Variants in PDE1C observed in about 807,000 individuals in gnomAD.
The protein encoded by PDE1C is dual specificity calcium/calmodulin-dependent 3',5'-cyclic nucleotide phosphodiesterase 1C.
In PDE1C, 62 loss-of-function variants were observed where a neutral mutation model predicts 93.1. The ratio of observed to expected loss-of-function variants is 0.67; its 90% CI spans 0.54 to 0.82. PDE1C has a LOEUF of 0.82. PDE1C is among the 40% of genes least tolerant of loss of function. The pLI is 0.00. For missense variants in PDE1C, 742 were observed against 884.6 expected, an observed-to-expected ratio of 0.84 and a Z score of 2.04; for synonymous variants, 325 against 310.1, an observed-to-expected ratio of 1.05 and a Z score of -0.50.
chr7:31,725,240 G>C, the PDE1C span, among the ~76,000 whole-genome samples: 1 of 152,138 alleles, frequency 6.6e-6, no homozygotes, highest in South Asian at 2.1e-4. Flanking sequence ...TGGCCATCGG[G>C]AGGTACTGGT....
chr7:32,027,607 T>TAA (rs551660766), intron 2 of PDE1C, among the ~76,000 whole-genome samples: 22 of 78,468 alleles, frequency 2.8e-4, no homozygotes, highest in East Asian at 1.4e-3. Flanking sequence ...TCAAAAATGG[T>TAA]AAAAAAAAAA....
At chr7:31,638,174 T>C in the PDE1C span, among the ~76,000 whole-genome samples, 1 of 152,162 alleles carries the variant, frequency 6.6e-6, no homozygotes, top group Admixed American at 6.6e-5. Flanking sequence ...GTACCCACAG[T>C]TGATATAAGG....
intron 3 of PDE1C, among the ~76,000 whole-genome samples, chr7:32,089,217 T>C (rs1484378786): frequency 6.6e-6 from 1 of 152,202 alleles, no homozygotes; most frequent in African/African-American, 2.4e-5. Flanking sequence ...ATTTTTGGTA[T>C]GTTGTATGTA....
At position 31,898,020 on chromosome 7, in the gene PDE1C, T is replaced by TTTTG. The variant is rs768171747; in HGVS notation, c.129-17161_129-17160insCAAA. On this transcript the variant is annotated intron_variant, in intron 2 of 17. Coordinates refer to ENST00000396191, the MANE Select transcript of PDE1C (RefSeq NM_001191057.4). ...TAAGTAACAGAAGGGTTTGGTTTCT[T>TTTTG]TGTGTGTGTGTGTGTGTGTGTGTGT... Among the ~76,000 whole-genome samples the TTTTG allele has an allele frequency of 7.7e-4, 113 of 146,052 alleles. 1 individual carries two copies. Among genetic ancestry groups the TTTTG allele is most frequent in the Middle Eastern group, 7.0e-3 (2 of 286 alleles).
At chr7:31,860,009 T>C (rs1045831529) in intron 7 of PDE1C, among the ~76,000 whole-genome samples, 5 of 152,194 alleles carry the variant, frequency 3.3e-5, no homozygotes, top group African/African-American at 1.2e-4. Context: ...CAAACATTGC[T>C]ACAATGAACC....
At chr7:32,035,867 G>A (rs753737648) in intron 2 of PDE1C, among the ~76,000 whole-genome samples, 1 of 152,152 alleles carries the variant, frequency 6.6e-6, no homozygotes, top group Non-Finnish European at 1.5e-5. Context: ...AAACAGGAAA[G>A]GTAATCCCAT....
intron 1 of PDE1C, among the ~76,000 whole-genome samples, chr7:32,254,810 G>A (rs1809667659): frequency 6.6e-6 from 1 of 152,100 alleles, no homozygotes; most frequent in Non-Finnish European, 1.5e-5. Flanking sequence ...AAGAAGGGCT[G>A]CACTACTCAG....
rs35138046 is a variant in PDE1C at position 32,113,236 on chromosome 7, AATATATATAT to A, written c.308+56539_308+56548del. ...TATAAATATAAATATATTGTCCTTA[AATATATATAT>A]ATATATATATATATATATGGATGTG... On this transcript the variant is annotated intron_variant, in intron 3 of 18. Transcript: ENST00000396193. Among the ~76,000 whole-genome samples the A allele has an allele frequency of 1.0e-3, 96 of 94,024 alleles. 6 individuals carry two copies. The highest frequency in any genetic ancestry group is 3.4e-3 in the African/African-American group (75 of 21,948). The allele number at this position is 94,024 out of a possible 152,430, so 61.7% of individuals were successfully genotyped here.
chr7:31,791,017 A>G (rs1254431606), intron 16 of PDE1C, among the ~76,000 whole-genome samples: 4 of 152,100 alleles, frequency 2.6e-5, no homozygotes, highest in Non-Finnish European at 5.9e-5. Context: ...GTTCCCTTCT[A>G]TGCAGGGCTC....
intron 1 of PDE1C, among the ~76,000 whole-genome samples, chr7:32,055,590 T>A (rs953800117): frequency 2.0e-5 from 3 of 151,848 alleles, no homozygotes; most frequent in African/African-American, 7.3e-5. Flanking sequence ...CAATAAAACA[T>A]ACTGCATTCT....
At chr7:31,769,384 T>A (rs1795336562) in intron 17 of PDE1C, among the ~76,000 whole-genome samples, 1 of 152,218 alleles carries the variant, frequency 6.6e-6, no homozygotes, top group Admixed American at 6.5e-5. Flanking sequence ...TTAGGCAATG[T>A]CATTCAATGT....
intron 1 of PDE1C, among the ~76,000 whole-genome samples, chr7:32,374,996 T>C (rs1014609545): frequency 9.2e-5 from 14 of 152,074 alleles, no homozygotes; most frequent in Non-Finnish European, 1.6e-4. Flanking sequence ...TGAAATCTCT[T>C]GAGTCCTATC....
chr7:31,648,225 G>T, the PDE1C span, among the ~76,000 whole-genome samples: 4 of 152,112 alleles, frequency 2.6e-5, no homozygotes, highest in Non-Finnish European at 4.4e-5. Context: ...TTTTGGTGAT[G>T]GTGCTCTTAC....
chr7:31,743,920 C>G, the PDE1C span, among the ~76,000 whole-genome samples: 1 of 152,068 alleles, frequency 6.6e-6, no homozygotes, highest in Admixed American at 6.5e-5. Context: ...TCTCCAGGCT[C>G]AAGTGGGCAC....
At chr7:32,147,225 C>A (rs1800897142) in intron 3 of PDE1C, among the ~76,000 whole-genome samples, 1 of 116,152 alleles carries the variant, frequency 8.6e-6, no homozygotes, top group Non-Finnish European at 1.7e-5. Context: ...AGTGTGAGCT[C>A]ATTTGGTAAA....
chr7:32,066,920 G>A (rs1401097615), intron 1 of PDE1C, among the ~76,000 whole-genome samples: 1 of 152,210 alleles, frequency 6.6e-6, no homozygotes, highest in Non-Finnish European at 1.5e-5. Flanking sequence ...AGAAAGCTCA[G>A]GTGTGCAGTA....
At chr7:31,622,823 G>A in the PDE1C span, among the ~76,000 whole-genome samples, 5 of 152,206 alleles carry the variant, frequency 3.3e-5, no homozygotes, top group East Asian at 1.9e-4. Flanking sequence ...CCAGGAGCTG[G>A]TTTTTTGAAA....
chr7:32,210,835 T>A (rs1805968840), intron 1 of PDE1C, among the ~76,000 whole-genome samples: 2 of 152,212 alleles, frequency 1.3e-5, no homozygotes, highest in African/African-American at 4.8e-5. Flanking sequence ...TATTACTATA[T>A]ATAAGATGTT....
At chr7:31,783,069 G>T (rs111364600) in intron 16 of PDE1C, among the ~76,000 whole-genome samples, 18 of 152,290 alleles carry the variant, frequency 1.2e-4, no homozygotes, top group African/African-American at 4.1e-4. Flanking sequence ...TCCCTAGTCA[G>T]ACTCCTTATG....
Sources: allele counts gnomAD v4.1 joint callset (sites outside exome capture counted in the v4.1 genomes callset), GRCh38; gene constraint gnomAD v4.1.1; transcripts MANE v1.5; gene names NCBI Gene and HGNC (gene_info 2026-07-23, HGNC 2026-07-21).